Variants in FBLN2 observed in about 807,000 individuals in gnomAD.
FBLN2 encodes fibulin-2.
A neutral mutation model predicts 123.7 loss-of-function variants in FBLN2; 81 were observed. The ratio of observed to expected loss-of-function variants is 0.65; its 90% CI spans 0.55 to 0.79. The LOEUF (loss-of-function observed/expected upper bound fraction) is 0.79. Ranked by LOEUF, FBLN2 falls within the 30% of genes least tolerant of loss-of-function variation. The pLI is 0.00. For missense variants in FBLN2, 1,603 were observed against 1,681.3 expected (o/e 0.95, Z 0.81); for synonymous variants, 699 against 701.4 (o/e 1.00, Z 0.05).
chr3:13,612,303 C>CTTTCTTTCTTTCTTTCT (rs1559418732), intron 4 of FBLN2, among the ~76,000 whole-genome samples: 2 of 64,384 alleles, frequency 3.1e-5, no homozygotes. Flanking sequence ...TCCTTTCTTT[C>CTTTCTTTCTTTCTTTCT]TTTCTTTCTT....
Position 13,570,971 on chromosome 3 carries a change from G to C in FBLN2, c.616G>C (p.Val206Leu). Residue 206 changes from valine (V) to leucine (L), a missense_variant, in exon 2 of 18, where the codon GTG becomes CTG. By Grantham distance (32) the Val-to-Leu change is conservative (BLOSUM62 1). Transcript: ENST00000404922. ...CAGCTATGACCAGGAGGTGGCCGAGGTGGAAGCAGCAACAGCCCTGGGGGG... is the reference window on the plus strand; with the variant it reads ...CAGCTATGACCAGGAGGTGGCCGAGCTGGAAGCAGCAACAGCCCTGGGGGG... ...PYSYDQEVAE[V>L]EAATALGGEV... 6.2e-7 allele frequency: 1 copy of C among 1,611,204 alleles called. No individual in the cohort carries two copies. The highest frequency in any genetic ancestry group is 8.5e-7 in the Non-Finnish European group (1 of 1,178,908).
At chr3:13,636,286 GC>G (rs1421543038) in intron 16 of FBLN2, among the ~76,000 whole-genome samples, 158 bp from the exon 17 acceptor site, 2 of 152,216 alleles carry the variant, frequency 1.3e-5, no homozygotes, top group African/African-American at 2.4e-5. Flanking sequence ...GCTGCGGGGT[GC>G]CGAGCAGGTG....
chr3:13,563,534 C>A (rs1574944853), intron 1 of FBLN2, among the ~76,000 whole-genome samples: 1 of 152,230 alleles, frequency 6.6e-6, no homozygotes, highest in African/African-American at 2.4e-5. Context: ...CCCAGCTCCC[C>A]CTGGCTCTGC....
intron 1 of FBLN2, among the ~76,000 whole-genome samples, chr3:13,556,055 A>T (rs1012511253): frequency 6.6e-6 from 1 of 152,182 alleles, no homozygotes; most frequent in African/African-American, 2.4e-5. Flanking sequence ...GCCCTCTAGC[A>T]GGAATGTCTT....
chr3:13,622,096 G>A (rs748967258), intron 9 of FBLN2, among the ~76,000 whole-genome samples, 181 bp downstream of exon 9: 7 of 152,210 alleles, frequency 4.6e-5, no homozygotes, highest in Non-Finnish European at 1.0e-4. Context: ...CCGCTTGGCT[G>A]CCAGCTCCAC....
At chr3:13,591,796 G>GT (rs1704683883) in intron 2 of FBLN2, among the ~76,000 whole-genome samples, 1 of 152,130 alleles carries the variant, frequency 6.6e-6, no homozygotes, top group African/African-American at 2.4e-5. Flanking sequence ...TATCCTAGAT[G>GT]TTTTATTGTT....
chr3:13,629,032 T>C lies in FBLN2; in HGVS notation c.2697T>C (p.Asp899=). ...CGCGCGGCTACCACGCCAGCGATGA[T>C]GGGACCAAGTGTGTGGGTAAGGCCA... ...ICARGYHASD[D]GTKCVDVNEC... Residue 899 remains aspartate (D), a synonymous_variant, in exon 12 of 18, where the codon GAT becomes GAC. Transcript: ENST00000404922. The C allele has an allele frequency of 1.2e-6, 2 of 1,613,288 alleles. No individual in the cohort carries two copies. The highest frequency in any genetic ancestry group is 1.7e-6 in the Non-Finnish European group (2 of 1,179,756).
chr3:13,638,391 G>A lies in FBLN2; in HGVS notation c.*472G>A. On this transcript the variant is annotated 3_prime_UTR_variant, in exon 18 of 18. Coordinates refer to ENST00000404922, the MANE Select transcript of FBLN2 (RefSeq NM_001004019.2). ...TCAACTAGTATGAAAGGGTTATAAA[G>A]TAACAGAGGAAAACGCCTCTTGGTC... 1 of 343,562 alleles carries A rather than the reference G, an allele frequency of 2.9e-6. No individual in the cohort carries two copies. The highest frequency in any genetic ancestry group is 5.4e-6 in the Non-Finnish European group (1 of 185,606). The allele number at this position is 343,562 out of a possible 1,614,324, so 21.3% of individuals were successfully genotyped here.
intron 4 of FBLN2, 47 bp downstream of exon 4, chr3:13,609,689 C>CGCG: frequency 1.4e-5 from 6 of 428,802 alleles, no homozygotes; most frequent in East Asian, 7.9e-5. Flanking sequence ...TGGGGCGGGG[C>CGCG]GGGAGGCTGG....
chr3:13,567,278 T>C (rs920424393), intron 1 of FBLN2, among the ~76,000 whole-genome samples: 7 of 152,204 alleles, frequency 4.6e-5, no homozygotes, highest in African/African-American at 1.7e-4. Context: ...GGTACTGTCC[T>C]CTCAGGACAC....
intron 16 of FBLN2, among the ~76,000 whole-genome samples, chr3:13,634,018 G>A (rs935665230): frequency 1.7e-4 from 17 of 100,802 alleles, no homozygotes; most frequent in Admixed American, 7.4e-4. Flanking sequence ...TCTGAGTCCC[G>A]GTCGTTTCTG....
Position 13,588,641 on chromosome 3 carries a change from C to G in FBLN2, c.1306+16980C>G, listed in dbSNP as rs866565092. Among the ~76,000 whole-genome samples the G allele has an allele frequency of 4.6e-5, 7 of 152,262 alleles. No homozygotes were observed. The South Asian group carries it at 1.4e-3, about 31-fold the overall frequency. ...CCCGGCCAGCACGGATCACCCGAGG[C>G]TTTGCAGAAGACCACGCTGGACAGT... is the stretch of plus-strand genomic sequence containing the variant. On this transcript the variant is annotated intron_variant, in intron 2 of 17. Coordinates refer to ENST00000404922, the MANE Select transcript of FBLN2 (RefSeq NM_001004019.2).
At chr3:13,586,799 T>G (rs192995305) in intron 2 of FBLN2, among the ~76,000 whole-genome samples, 38 of 149,390 alleles carry the variant, frequency 2.5e-4, no homozygotes, top group African/African-American at 9.4e-4. Flanking sequence ...TGGAGCCACC[T>G]CACCCGGCCT....
chr3:13,556,744 C>T (rs1035886795), intron 1 of FBLN2, among the ~76,000 whole-genome samples: 1 of 152,202 alleles, frequency 6.6e-6, no homozygotes, highest in Non-Finnish European at 1.5e-5. Context: ...GACACTGTAG[C>T]CCACCTATGA....
chr3:13,580,411 A>G (rs3773288), intron 2 of FBLN2, among the ~76,000 whole-genome samples: 20,778 of 152,190 alleles, frequency 0.14, 2,229 homozygotes, highest in East Asian at 0.34. Context: ...CTCTCTCACC[A>G]TTGCAGGAGC....
chr3:13,630,616 G>C (rs567713326), intron 14 of FBLN2, 83 bp from the exon 15 acceptor site: 126 of 1,156,554 alleles, frequency 1.1e-4, no homozygotes, highest in Non-Finnish European at 1.6e-4. Context: ...GAGCTTGGTG[G>C]GCCTGGCTGT....
chr3:13,618,789 TG>T (rs1283075505), intron 6 of FBLN2, 114 bp from the exon 7 acceptor site: 1 of 692,752 alleles, frequency 1.4e-6, no homozygotes, highest in Non-Finnish European at 2.5e-6. Context: ...TGAAATGGGG[TG>T]GGGGATTAAA....
chr3:13,573,009 G>C (rs1704013472), intron 2 of FBLN2, among the ~76,000 whole-genome samples: 1 of 152,172 alleles, frequency 6.6e-6, no homozygotes, highest in South Asian at 2.1e-4. Context: ...CTAGCAAACA[G>C]GTTAATCTGG....
rs758920913 is a variant in FBLN2 at position 13,637,569 on chromosome 3, G to A, written c.3346G>A (p.Glu1116Lys). ...GGCCTATCCTCCCTGCAGGAAGTGCGAGCGCACCACGTGCCATGACTTCCT... is the reference window on the plus strand; with the variant it reads ...GGCCTATCCTCCCTGCAGGAAGTGCAAGCGCACCACGTGCCATGACTTCCT... ...NYVQVSKTKC[E>K]RTTCHDFLEC... The change falls in exon 18 of 18, where the codon GAG (glutamate) becomes AAG (lysine). Residue 1116 changes from glutamate to lysine, a missense_variant. Transcript: ENST00000404922. 1.0e-5 allele frequency: 16 copies of A among 1,604,490 alleles called. No homozygotes were observed. The Admixed American group carries it at 1.3e-4, about 13-fold the overall frequency.
Sources: gnomAD v4.1 joint callset for allele counts (sites outside exome capture counted in the v4.1 genomes callset) on GRCh38, gnomAD v4.1.1 for gene constraint, MANE v1.5 for transcripts, NCBI Gene and HGNC (gene_info 2026-07-23, HGNC 2026-07-21) for gene names.